NFKBID: variants seen among roughly 807,000 people sequenced by gnomAD.
NFKBID encodes the protein NF-kappa-B inhibitor delta.
A neutral mutation model predicts 53.4 loss-of-function variants in NFKBID; 26 were observed. The ratio of observed to expected loss-of-function variants is 0.49; its 90% CI spans 0.36 to 0.68. NFKBID has a LOEUF of 0.68. Ranked by LOEUF, NFKBID falls within the 30% of genes least tolerant of loss-of-function variation. The pLI is 0.00. For synonymous variants in NFKBID, 262 were observed against 259.8 expected, an observed-to-expected ratio of 1.01 and a Z score of -0.08; for missense variants, 493 against 614.1, an observed-to-expected ratio of 0.80 and a Z score of 2.08.
chr19:35,897,378 C>T (rs768552832), intron 4 of NFKBID: 25 of 553,004 alleles, frequency 4.5e-5, no homozygotes, highest in Non-Finnish European at 7.7e-5. Context: ...CCTCAGCCTC[C>T]CGAGTAGCTA....
chr19:35,896,381 G>T lies in NFKBID; in HGVS notation c.831+11C>A. 6.2e-7 allele frequency: 1 copy of T among 1,614,170 alleles called. No individual in the cohort carries two copies. The highest frequency in any genetic ancestry group is 8.5e-7 in the Non-Finnish European group (1 of 1,180,014). ...CCCCCAGACAAACCCCTGCCTGCCA[G>T]CTGGCCATACCAAGAGAACTCCTGG... On this transcript the variant is annotated intron_variant, in intron 7 of 11. Coordinates refer to ENST00000641389, the Ensembl canonical transcript of NFKBID. This position sits in a 1 kb window ranked among gnomAD's most constrained non-coding sequence, Gnocchi z 5.7.
At chr19:35,889,021 G>A (rs1436861345) in intron 11 of NFKBID, among the ~76,000 whole-genome samples, 1 of 151,278 alleles carries the variant, frequency 6.6e-6, no homozygotes, top group Non-Finnish European at 1.5e-5. Context: ...CTCCAGCCTG[G>A]GTGACAAAGC....
chr19:35,897,540 G>T, intron 4 of NFKBID, 111 bp downstream of exon 4: 1 of 713,978 alleles, frequency 1.4e-6, no homozygotes, highest in Non-Finnish European at 2.6e-6. Flanking sequence ...CACCACGCCC[G>T]GCCTGGAAAA....
chr19:35,889,110 G>A (rs1377458563), intron 11 of NFKBID, among the ~76,000 whole-genome samples: 2 of 151,638 alleles, frequency 1.3e-5, no homozygotes, highest in East Asian at 1.9e-4. Flanking sequence ...CAACACTTTG[G>A]GAGGCCAAGG....
intron 4 of NFKBID, 172 bp downstream of exon 4, chr19:35,897,479 A>C: frequency 1.5e-6 from 1 of 654,564 alleles, no homozygotes. Flanking sequence ...CCTGACCTCA[A>C]GTGATCCGCC....
exon 11 of NFKBID, chr19:35,890,027 C>A (rs1974648329): frequency 6.2e-7 from 1 of 1,606,340 alleles, no homozygotes; most frequent in Non-Finnish European, 8.5e-7. Context: ...AGGGCAGCCG[C>A]CATGTGGAGG....
Position 35,896,096 on chromosome 19 carries a change from G to C in NFKBID, c.916C>G (p.Leu306Val). 1 of 1,614,208 alleles carries C rather than the reference G, an allele frequency of 6.2e-7. No homozygotes were observed. Among genetic ancestry groups the C allele is most frequent in the Non-Finnish European group, 8.5e-7 (1 of 1,180,038 alleles). ...TCGGAAGGGCGCATAGCAACGTTAA[G>C]GGCCAGGATGGCCGTGTGGAGCGGG... The change falls in exon 9 of 12, where the codon CTT becomes GTT. Residue 306 changes from leucine (L) to valine (V), a missense_variant. Coordinates refer to ENST00000641389, the Ensembl canonical transcript of NFKBID. This position sits in a 1 kb window ranked among gnomAD's most constrained non-coding sequence, Gnocchi z 5.7.
intron 9 of NFKBID, among the ~76,000 whole-genome samples, chr19:35,895,628 C>G (rs952888671): frequency 6.6e-6 from 1 of 151,936 alleles, no homozygotes; most frequent in Non-Finnish European, 1.5e-5. Context: ...GTGGAGAAAG[C>G]CTGTCTCTAC....
rs1975486385 is a variant in NFKBID at position 35,900,243 on chromosome 19, C to T, written c.61+199G>A. 2.0e-5 allele frequency among the ~76,000 whole-genome samples: 3 copies of T among 151,940 alleles called. No homozygotes were observed. The South Asian group carries it at 6.3e-4, about 32-fold the overall frequency. ...TCCTGGATCCCCAGGCCCCTGCACCCCCAGGACCCAGAAGTCTGGGATCCC... is the reference window on the plus strand; with the variant it reads ...TCCTGGATCCCCAGGCCCCTGCACCTCCAGGACCCAGAAGTCTGGGATCCC... On this transcript the variant is annotated intron_variant, in intron 1 of 11. Transcript: ENST00000641389.
chr19:35,894,137 T>C (rs148018186), intron 9 of NFKBID, among the ~76,000 whole-genome samples: 192 of 151,778 alleles, frequency 1.3e-3, no homozygotes, highest in African/African-American at 4.3e-3. Context: ...TGCATGCCTG[T>C]AGTCCCAGTT....
intron 4 of NFKBID, 87 bp downstream of exon 4, chr19:35,897,562 CTG>C (rs1335104106): frequency 1.3e-6 from 1 of 743,644 alleles, no homozygotes; most frequent in East Asian, 2.5e-5. Context: ...GGAATCGTAA[CTG>C]AGCTCCAGAC....
intron 4 of NFKBID, chr19:35,897,405 C>T (rs1338010701): frequency 1.7e-6 from 1 of 579,266 alleles, no homozygotes; most frequent in Non-Finnish European, 3.1e-6. Context: ...CAGGCGTGCG[C>T]CACTACACCC....
exon 4 of NFKBID, chr19:35,897,852 G>A (rs1399677342): frequency 1.3e-6 from 2 of 1,543,936 alleles, no homozygotes; most frequent in South Asian, 2.3e-5. Flanking sequence ...GGAAGGGAGG[G>A]TGGCCTGCGT....
In NFKBID at chr19:35,897,762, G is replaced by T; in HGVS notation, c.321C>A (p.Tyr107Ter). 6.2e-7 allele frequency: 1 copy of T among 1,608,364 alleles called. No individual in the cohort carries two copies. The highest frequency in any genetic ancestry group is 1.1e-5 in the South Asian group (1 of 91,026). ...CAGGGCAAGAGTAGGGGCTGTCAGT[G>T]TAGGCAGCATGCGTGTTGGGGTCCC... is the stretch of plus-strand genomic sequence containing the variant. The change falls in exon 4 of 12, where the codon TAC becomes TAA. Residue 107 changes from tyrosine to a stop codon, truncating the protein, a stop_gained. Coordinates refer to ENST00000641389, the Ensembl canonical transcript of NFKBID. LOFTEE classifies it high-confidence loss of function.
chr19:35,893,763 T>G (rs1974944661), intron 9 of NFKBID, among the ~76,000 whole-genome samples: 1 of 145,772 alleles, frequency 6.9e-6, no homozygotes, highest in South Asian at 2.2e-4. Context: ...GAGCTTACAG[T>G]GAGCCGAGAT....
chr19:35,898,374 G>A, intron 3 of NFKBID, 98 bp downstream of exon 3: 1 of 733,678 alleles, frequency 1.4e-6, no homozygotes, highest in Non-Finnish European at 2.3e-6. Flanking sequence ...AGGGAAGAAT[G>A]AGGGCCTGAC....
At chr19:35,898,652 C>G in intron 2 of NFKBID, 67 bp downstream of exon 2, 5 of 1,463,600 alleles carry the variant, frequency 3.4e-6, no homozygotes, top group Non-Finnish European at 4.6e-6. Context: ...CCCGAGGGCC[C>G]GGCAAGCCGC....
rs1014308807 is a variant in NFKBID at position 35,889,798 on chromosome 19, T to C, written c.1314+92A>G. The C allele has an allele frequency of 4.6e-5, 61 of 1,318,810 alleles. No individual in the cohort carries two copies. In the African/African-American group the frequency reaches 8.7e-4, roughly 19 times the overall value. The allele number at this position is 1,318,810 out of a possible 1,614,324, so 81.7% of individuals were successfully genotyped here. ...GTCACCTTCCGAGATTAGAAGTCAT[T>C]CTCTGAAAGCGAGCATTGGGTGGGG... On this transcript the variant is annotated intron_variant, in intron 11 of 11. Coordinates refer to ENST00000641389, the Ensembl canonical transcript of NFKBID.
At chr19:35,898,653 G>A (rs967847526) in intron 2 of NFKBID, 66 bp downstream of exon 2, 5 of 1,464,896 alleles carry the variant, frequency 3.4e-6, no homozygotes, top group South Asian at 1.2e-5. Context: ...CCGAGGGCCC[G>A]GCAAGCCGCT....
Sources: allele counts gnomAD v4.1 joint callset (sites outside exome capture counted in the v4.1 genomes callset), GRCh38; gene constraint gnomAD v4.1.1; non-coding constraint Gnocchi (gnomAD v3.1); transcripts MANE v1.5; gene names NCBI Gene and HGNC (gene_info 2026-07-23, HGNC 2026-07-21).